RAB38: variants seen among roughly 807,000 people sequenced by gnomAD.
RAB38 encodes the protein RAB38, member RAS oncogene family.
RAB38 carries 15 observed loss-of-function variants against 18.4 expected under a neutral mutation model. The observed-to-expected ratio is 0.82, with a 90% confidence interval of 0.55 to 1.26. RAB38 has a LOEUF of 1.26. RAB38 is among the 50% of genes most tolerant of loss of function. The pLI is 0.00. For synonymous variants in RAB38, 101 were observed against 104.4 expected (o/e 0.97, Z 0.20); for missense variants, 294 against 267.4 (o/e 1.10, Z -0.69).
At chr11:88,120,490 A>G (rs1470181329) in intron 2 of RAB38, among the ~76,000 whole-genome samples, 1 of 152,232 alleles carries the variant, frequency 6.6e-6, no homozygotes, top group Non-Finnish European at 1.5e-5. Context: ...GCCAGGTCTC[A>G]GTGATGCCCT....
the RAB38 span, among the ~76,000 whole-genome samples, chr11:87,813,329 G>T: frequency 6.6e-6 from 1 of 152,146 alleles, no homozygotes; most frequent in Admixed American, 6.6e-5. Context: ...ATAAAGAACT[G>T]TTCCAGGGCG....
At chr11:87,863,208 A>G in the RAB38 span, among the ~76,000 whole-genome samples, 1 of 151,978 alleles carries the variant, frequency 6.6e-6, no homozygotes, top group East Asian at 1.9e-4. Context: ...GCAAAATAAA[A>G]GCTTTGTGAC....
At chr11:88,111,497 C>A (rs1942473261), downstream of RAB38, among the ~76,000 whole-genome samples, 3 of 152,250 alleles carry the variant, frequency 2.0e-5, no homozygotes, top group African/African-American at 7.2e-5. Flanking sequence ...AGTATTAAGA[C>A]CTCCAATTAT....
chr11:87,902,418 G>A, the RAB38 span, among the ~76,000 whole-genome samples: 1 of 151,486 alleles, frequency 6.6e-6, no homozygotes, highest in Non-Finnish European at 1.5e-5. Context: ...CTGTATGTGG[G>A]GGGTCTATTT....
downstream of RAB38, among the ~76,000 whole-genome samples, chr11:88,111,312 T>C (rs1942470359): frequency 6.6e-6 from 1 of 152,060 alleles, no homozygotes; most frequent in African/African-American, 2.4e-5. Flanking sequence ...CACTACTTTC[T>C]GCTCCACTAT....
chr11:88,032,405 C>T, the RAB38 span, among the ~76,000 whole-genome samples: 1 of 152,184 alleles, frequency 6.6e-6, no homozygotes, highest in East Asian at 1.9e-4. Flanking sequence ...TTAAGAGCTT[C>T]TGCACAGCAA....
chr11:88,018,360 T>C, the RAB38 span, among the ~76,000 whole-genome samples: 2 of 152,186 alleles, frequency 1.3e-5, no homozygotes, highest in Non-Finnish European at 2.9e-5. Flanking sequence ...TCATCTTTTC[T>C]CTCTACTGAA....
the RAB38 span, among the ~76,000 whole-genome samples, chr11:88,004,823 A>G: frequency 9.9e-5 from 15 of 151,524 alleles, no homozygotes; most frequent in African/African-American, 3.6e-4. Flanking sequence ...ATAAAAATCT[A>G]TTTCATTTCT....
the RAB38 span, among the ~76,000 whole-genome samples, chr11:88,033,040 T>C: frequency 1.3e-5 from 2 of 152,150 alleles, no homozygotes; most frequent in Admixed American, 6.5e-5. Flanking sequence ...TGGAATACTA[T>C]GCAGCCATAA....
At chr11:87,923,887 T>C in the RAB38 span, among the ~76,000 whole-genome samples, 1 of 151,200 alleles carries the variant, frequency 6.6e-6, no homozygotes, top group Middle Eastern at 3.4e-3. Context: ...ATTTCAAAAA[T>C]ACTAGTTGAT....
chr11:87,835,613 C>T, the RAB38 span, among the ~76,000 whole-genome samples: 1 of 152,022 alleles, frequency 6.6e-6, no homozygotes, highest in African/African-American at 2.4e-5. Context: ...AGTATGACTG[C>T]TACCCTTATA....
At chr11:87,930,067 TG>T in the RAB38 span, among the ~76,000 whole-genome samples, 1 of 152,168 alleles carries the variant, frequency 6.6e-6, no homozygotes, top group African/African-American at 2.4e-5. Context: ...TATAATCCTT[TG>T]GGTATATACC....
the RAB38 span, among the ~76,000 whole-genome samples, chr11:88,052,913 T>TATATC: frequency 3.8e-4 from 7 of 18,218 alleles, no homozygotes; most frequent in South Asian, 1.8e-3. Flanking sequence ...TATATATATA[T>TATATC]ATATATATAT....
the RAB38 span, among the ~76,000 whole-genome samples, chr11:88,026,562 C>CAAAAAAAAAAAAA: frequency 1.8e-5 from 1 of 54,252 alleles, no homozygotes; most frequent in Non-Finnish European, 3.4e-5. Context: ...GACTCTGTCA[C>CAAAAAAAAAAAAA]AAAAAAAAAA....
At chr11:87,871,223 T>A in the RAB38 span, among the ~76,000 whole-genome samples, 1 of 151,640 alleles carries the variant, frequency 6.6e-6, no homozygotes, top group Non-Finnish European at 1.5e-5. Context: ...CAGGACAAGC[T>A]GTGAAATGCC....
chr11:87,911,178 A>G, the RAB38 span, among the ~76,000 whole-genome samples: 1 of 152,062 alleles, frequency 6.6e-6, no homozygotes, highest in Non-Finnish European at 1.5e-5. Flanking sequence ...TAGTAACTAC[A>G]CTATAGTCTT....
chr11:87,829,872 C>T, the RAB38 span, among the ~76,000 whole-genome samples: 5 of 152,106 alleles, frequency 3.3e-5, no homozygotes, highest in Non-Finnish European at 5.9e-5. Flanking sequence ...ATTAATTTAA[C>T]AATCAAATAT....
At chr11:88,037,027 T>C in the RAB38 span, among the ~76,000 whole-genome samples, 1 of 152,026 alleles carries the variant, frequency 6.6e-6, no homozygotes, top group East Asian at 1.9e-4. Flanking sequence ...TTTATTTCTA[T>C]GCTTTGGAAC....
At chr11:87,927,451 A>G in the RAB38 span, among the ~76,000 whole-genome samples, 1 of 152,032 alleles carries the variant, frequency 6.6e-6, no homozygotes, top group Non-Finnish European at 1.5e-5. Flanking sequence ...CCTCCTGAAC[A>G]GAGTTCTCTA....
Sources: allele counts gnomAD v4.1 joint callset (sites outside exome capture counted in the v4.1 genomes callset), GRCh38; gene constraint gnomAD v4.1.1; transcripts MANE v1.5; gene names NCBI Gene and HGNC (gene_info 2026-07-23, HGNC 2026-07-21).